Variants in CRISPLD2 observed in about 807,000 individuals in gnomAD.
CRISPLD2 encodes cysteine-rich secretory protein LCCL domain-containing 2.
Under a neutral mutation model 71.1 loss-of-function variants are expected in CRISPLD2, and 47 were observed. The ratio of observed to expected loss-of-function variants is 0.66; its 90% confidence interval spans 0.52 to 0.84. CRISPLD2 has a LOEUF of 0.84. Ranked by LOEUF, CRISPLD2 falls within the 40% of genes least tolerant of loss-of-function variation. CRISPLD2 has a pLI of 0.00. For synonymous variants in CRISPLD2, 317 were observed against 250.1 expected, an observed-to-expected ratio of 1.27 and a Z score of -2.52; for missense variants, 830 against 651.1, an observed-to-expected ratio of 1.27 and a Z score of -2.99.
At chr16:84,903,511 G>A (rs2071773895) in intron 14 of CRISPLD2, among the ~76,000 whole-genome samples, 2 of 151,676 alleles carry the variant, frequency 1.3e-5, no homozygotes, top group Non-Finnish European at 1.5e-5. Flanking sequence ...AGAATCGCTT[G>A]AACCTGGGAG....
At chr16:84,847,615 T>C (rs890098463) in intron 3 of CRISPLD2, among the ~76,000 whole-genome samples, 1 of 151,144 alleles carries the variant, frequency 6.6e-6, no homozygotes, top group Non-Finnish European at 1.5e-5. Context: ...TGCACCATTG[T>C]ACTCCAGCCT....
chr16:84,891,146 A>C (rs2071658762), intron 14 of CRISPLD2, among the ~76,000 whole-genome samples: 1 of 152,264 alleles, frequency 6.6e-6, no homozygotes, highest in East Asian at 1.9e-4. Context: ...TAACATATGG[A>C]TTTTGAGGGA....
intron 13 of CRISPLD2, among the ~76,000 whole-genome samples, chr16:84,881,075 T>C (rs750288196): frequency 4.6e-5 from 7 of 152,180 alleles, no homozygotes; most frequent in Non-Finnish European, 8.8e-5. Flanking sequence ...CTAGAGATAG[T>C]AGTGCTTCTA....
At chr16:84,863,698 G>C (rs940250482) in intron 6 of CRISPLD2, among the ~76,000 whole-genome samples, 3 of 152,160 alleles carry the variant, frequency 2.0e-5, no homozygotes, top group Admixed American at 6.5e-5. Context: ...GGCCGGGCGC[G>C]GTGGCTCATG....
Position 84,845,829 on chromosome 16 carries a change from G to C in CRISPLD2, c.284G>C (p.Ser95Thr). ...GAGAAGTCTGCTGCAGCGTGGGCCAGTCAGTGCATCTGGGAGCACGGGCCC... is the reference window on the plus strand; with the variant it reads ...GAGAAGTCTGCTGCAGCGTGGGCCACTCAGTGCATCTGGGAGCACGGGCCC... ...ELEKSAAAWASQCIWEHGPTS... is the reference protein window; with the variant it reads ...ELEKSAAAWATQCIWEHGPTS... The change falls in exon 3 of 15, where the codon AGT becomes ACT. Residue 95 changes from serine (S) to threonine (T), a missense_variant. By Grantham distance (58) the Ser-to-Thr change is moderately conservative. Transcript: ENST00000262424. 1 of 1,614,104 alleles carries C rather than the reference G, an allele frequency of 6.2e-7. No individual in the cohort carries two copies. The highest frequency in any genetic ancestry group is 8.5e-7 in the Non-Finnish European group (1 of 1,179,952).
intron 6 of CRISPLD2, among the ~76,000 whole-genome samples, chr16:84,856,192 G>A (rs2143236000): frequency 6.6e-6 from 1 of 152,290 alleles, no homozygotes; most frequent in African/African-American, 2.4e-5. Context: ...GTCCTGCCTG[G>A]ATTAGGCTGT....
chr16:84,828,192 G>A (rs1376016666), intron 1 of CRISPLD2: 8 of 152,268 alleles, frequency 5.3e-5, no homozygotes, highest in South Asian at 4.1e-4. Context: ...CAGGGAGACT[G>A]GCCCGGGCTG....
intron 4 of CRISPLD2, 41 bp from the exon 5 acceptor site, chr16:84,850,527 C>A: frequency 6.4e-7 from 1 of 1,560,064 alleles, no homozygotes; most frequent in Non-Finnish European, 8.8e-7. Context: ...CCTTTTGTGC[C>A]TTATCCCTCG....
chr16:84,834,746 G>T (rs1916574055), intron 1 of CRISPLD2, among the ~76,000 whole-genome samples: 1 of 152,100 alleles, frequency 6.6e-6, no homozygotes, highest in Non-Finnish European at 1.5e-5. Flanking sequence ...TGCTGGCGGG[G>T]CTGGTTTCTT....
At chr16:84,899,349 C>T (rs2071733248) in intron 14 of CRISPLD2, among the ~76,000 whole-genome samples, 1 of 146,374 alleles carries the variant, frequency 6.8e-6, no homozygotes. Context: ...CAAGCTAATC[C>T]AAAAAGAGAA....
At position 84,890,827 on chromosome 16, in the gene CRISPLD2, C is replaced by A. The variant is rs138041791; in HGVS notation, c.1439+1464C>A. Among the ~76,000 whole-genome samples, 83 of 152,238 alleles carry A rather than the reference C, an allele frequency of 5.5e-4. No homozygotes were observed. In the East Asian group the frequency reaches 0.015, roughly 27 times the overall value. ...AAGAAAAAAAGACCAAACAAAGTCC[C>A]TAGAAGTGAAATTCCTAAGTGGGGC... On this transcript the variant is annotated intron_variant, in intron 14 of 14. Transcript: ENST00000262424.
At chr16:84,892,092 T>A (rs532137497) in intron 14 of CRISPLD2, among the ~76,000 whole-genome samples, 2 of 152,174 alleles carry the variant, frequency 1.3e-5, no homozygotes, top group East Asian at 3.9e-4. Context: ...TGTGCCTCAG[T>A]TTCCTCACCT....
intron 6 of CRISPLD2, among the ~76,000 whole-genome samples, chr16:84,862,261 G>C (rs532025827): frequency 6.6e-6 from 1 of 151,958 alleles, no homozygotes; most frequent in African/African-American, 2.4e-5. Context: ...GGAGTGCAGT[G>C]GCGTAATCTT....
intron 12 of CRISPLD2, among the ~76,000 whole-genome samples, chr16:84,879,318 G>C (rs1175908599): frequency 6.6e-6 from 1 of 151,306 alleles, no homozygotes; most frequent in Non-Finnish European, 1.5e-5. Flanking sequence ...CATTCCAAAA[G>C]AAGTAGGAAA....
chr16:84,867,598 C>G (rs896392363), intron 7 of CRISPLD2, among the ~76,000 whole-genome samples: 7 of 152,192 alleles, frequency 4.6e-5, no homozygotes, highest in African/African-American at 1.7e-4. Flanking sequence ...TGGAGTTTCG[C>G]TCTTGTCACC....
intron 6 of CRISPLD2, among the ~76,000 whole-genome samples, chr16:84,862,409 A>G (rs1458229640): frequency 6.6e-6 from 1 of 152,096 alleles, no homozygotes; most frequent in Non-Finnish European, 1.5e-5. Context: ...TATATTGCCC[A>G]GGCTGGTCTC....
At chr16:84,848,216 G>C (rs1362701595) in intron 3 of CRISPLD2, among the ~76,000 whole-genome samples, 1 of 152,212 alleles carries the variant, frequency 6.6e-6, no homozygotes, top group Non-Finnish European at 1.5e-5. Flanking sequence ...GTGGCCAGCA[G>C]CCCTCTGCTC....
chr16:84,829,460 C>T (rs945096975), intron 1 of CRISPLD2, among the ~76,000 whole-genome samples: 7 of 152,190 alleles, frequency 4.6e-5, no homozygotes, highest in Non-Finnish European at 7.4e-5. Context: ...CCTGGAATTT[C>T]TGGGTGGTTT....
intron 1 of CRISPLD2, chr16:84,836,540 G>C (rs1916625484): frequency 6.6e-6 from 1 of 152,156 alleles, no homozygotes; most frequent in Non-Finnish European, 1.5e-5. Flanking sequence ...TCTCCGCATG[G>C]GGTTATTTTT....
Sources: gnomAD v4.1 joint callset for allele counts (sites outside exome capture counted in the v4.1 genomes callset) on GRCh38, gnomAD v4.1.1 for gene constraint, MANE v1.5 for transcripts, NCBI Gene and HGNC (gene_info 2026-07-23, HGNC 2026-07-21) for gene names.